Variants in PKIG observed in about 807,000 individuals in gnomAD.
PKIG encodes cAMP-dependent protein kinase inhibitor gamma, also known as protein kinase (cAMP-dependent, catalytic) inhibitor gamma.
PKIG carries 1 observed loss-of-function variant against 6.8 expected under a neutral mutation model. The observed-to-expected ratio is 0.15, with a 90% confidence interval of 0.05 to 0.69. The LOEUF (loss-of-function observed/expected upper bound fraction) is 0.69, where lower values mean the gene tolerates loss of function less well. Ranked by LOEUF, PKIG falls within the 30% of genes least tolerant of loss-of-function variation. The probability of loss-of-function intolerance (pLI) is 0.82; values close to 1 mark genes in which losing one functional copy is unlikely to be tolerated. For synonymous variants in PKIG, 39 were observed against 43.0 expected, an observed-to-expected ratio of 0.91 and a Z score of 0.36; for missense variants, 77 against 104.0, an observed-to-expected ratio of 0.74 and a Z score of 1.13.
At chr20:44,593,412 C>T (rs1600882464) in intron 2 of PKIG, among the ~76,000 whole-genome samples, 1 of 127,462 alleles carries the variant, frequency 7.8e-6, no homozygotes, top group East Asian at 2.3e-4. Context: ...CACACACACA[C>T]GACTATTACT....
At chr20:44,604,366 C>T (rs1434964826) in intron 2 of PKIG, among the ~76,000 whole-genome samples, 1 of 152,074 alleles carries the variant, frequency 6.6e-6, no homozygotes, top group Admixed American at 6.5e-5. Flanking sequence ...TGATATCCTC[C>T]GGGAGGATTC....
intron 2 of PKIG, among the ~76,000 whole-genome samples, chr20:44,612,758 A>G (rs1052543525): frequency 2.4e-4 from 36 of 152,318 alleles, no homozygotes; most frequent in Admixed American, 1.3e-3. Context: ...TCAAAAATCT[A>G]AAAATTATTT....
At chr20:44,535,210 G>C (rs573330546) in intron 1 of PKIG, among the ~76,000 whole-genome samples, 3 of 152,240 alleles carry the variant, frequency 2.0e-5, no homozygotes, top group Middle Eastern at 3.4e-3. Flanking sequence ...CATGGGGATG[G>C]GATGACAGGA....
intron 1 of PKIG, among the ~76,000 whole-genome samples, chr20:44,584,761 C>G (rs1383389788): frequency 6.6e-6 from 1 of 151,088 alleles, no homozygotes; most frequent in Non-Finnish European, 1.5e-5. Context: ...ACTCTGTCTC[C>G]CAGGCTGGAG....
chr20:44,535,350 T>G (rs2064502789), intron 1 of PKIG, among the ~76,000 whole-genome samples: 1 of 152,006 alleles, frequency 6.6e-6, no homozygotes, highest in Non-Finnish European at 1.5e-5. Flanking sequence ...TTTATAAAAT[T>G]GAAAAATTGG....
chr20:44,536,053 T>C (rs1278675412), intron 1 of PKIG, among the ~76,000 whole-genome samples: 2 of 152,236 alleles, frequency 1.3e-5, no homozygotes, highest in African/African-American at 4.8e-5. Context: ...GTTAGTGGAA[T>C]CTTGCATTAT....
In PKIG at chr20:44,557,704, G is replaced by A. The variant is rs61208911; in HGVS notation, c.-240-24881G>A. On this transcript the variant is annotated intron_variant, in intron 1 of 4. Coordinates refer to the PKIG transcript ENST00000372887. ...CCAGCCGTGGTGGCGGGCACCTGTA[G>A]TCCCAGCTGCTCAGGAGGCTGAGGC... Among the ~76,000 whole-genome samples the A allele has an allele frequency of 6.2e-3, 940 of 151,552 alleles. 9 individuals are homozygous for A. Among genetic ancestry groups the A allele is most frequent in the African/African-American group, 0.021 (868 of 41,298 alleles).
Position 44,618,688 on chromosome 20 carries a change from CCT to C in PKIG, c.*328_*329del. ...AGTGAGCAGCCCACACAGGAACGCT[CCT>C]CTCGCGAGCGGCCCGGGCAGGGACC... is the stretch of plus-strand genomic sequence containing the variant. On this transcript the variant is annotated 3_prime_UTR_variant, in exon 4 of 4. Transcript: ENST00000372886. 1 of 248,610 alleles carries C rather than the reference CCT, an allele frequency of 4.0e-6. No individual in the cohort carries two copies. Among genetic ancestry groups the C allele is most frequent in the Non-Finnish European group, 7.9e-6 (1 of 126,134 alleles). The allele number at this position is 248,610 out of a possible 1,614,324, so 15.4% of individuals were successfully genotyped here.
At chr20:44,594,017 G>A (rs543695571) in intron 2 of PKIG, among the ~76,000 whole-genome samples, 115 of 152,286 alleles carry the variant, frequency 7.6e-4, no homozygotes, top group Non-Finnish European at 1.4e-3. Context: ...TACATCCAGT[G>A]TCTAATTAGG....
chr20:44,532,913 T>G (rs1244437856), intron 1 of PKIG, among the ~76,000 whole-genome samples: 1 of 152,108 alleles, frequency 6.6e-6, no homozygotes, highest in Admixed American at 6.6e-5. Flanking sequence ...GAGCAGATTA[T>G]GAGAGTTGGA....
chr20:44,552,721 G>A (rs911148188), intron 1 of PKIG, among the ~76,000 whole-genome samples: 1 of 152,178 alleles, frequency 6.6e-6, no homozygotes, highest in Admixed American at 6.5e-5. Flanking sequence ...TGAATTGTAT[G>A]AAGCCTAGCA....
At chr20:44,562,606 A>C (rs1421522934) in intron 1 of PKIG, among the ~76,000 whole-genome samples, 8 of 151,376 alleles carry the variant, frequency 5.3e-5, no homozygotes, top group Non-Finnish European at 1.2e-4. Context: ...TGTCTCAAAA[A>C]AAAAAAAAAA....
At chr20:44,534,395 A>C (rs1256293181) in intron 1 of PKIG, among the ~76,000 whole-genome samples, 2 of 152,170 alleles carry the variant, frequency 1.3e-5, no homozygotes, top group Non-Finnish European at 2.9e-5. Context: ...GTGGAAGGAA[A>C]GTCACAATTT....
At chr20:44,611,637 C>T (rs2065220092) in intron 2 of PKIG, among the ~76,000 whole-genome samples, 1 of 152,040 alleles carries the variant, frequency 6.6e-6, no homozygotes, top group East Asian at 1.9e-4. Context: ...CTGCCTCAGC[C>T]TCCTGAGTAG....
intron 1 of PKIG, among the ~76,000 whole-genome samples, chr20:44,555,734 A>G (rs2064706941): frequency 6.6e-6 from 1 of 152,116 alleles, no homozygotes; most frequent in Admixed American, 6.5e-5. Context: ...TTTTTTGTCC[A>G]CTTGCTAGGG....
At chr20:44,609,402 A>G (rs2065193722) in intron 2 of PKIG, among the ~76,000 whole-genome samples, 1 of 152,222 alleles carries the variant, frequency 6.6e-6, no homozygotes, top group African/African-American at 2.4e-5. Flanking sequence ...GTCAGGTCCT[A>G]GGACAAGAAC....
At chr20:44,580,939 G>A (rs2064942784), upstream of PKIG, among the ~76,000 whole-genome samples, 1 of 152,164 alleles carries the variant, frequency 6.6e-6, no homozygotes, top group African/African-American at 2.4e-5. Context: ...GGAGTTAGTT[G>A]AAGCCCAGTC....
At chr20:44,601,334 G>T (rs1335211780) in intron 2 of PKIG, among the ~76,000 whole-genome samples, 3 of 152,374 alleles carry the variant, frequency 2.0e-5, no homozygotes, top group South Asian at 4.1e-4. Context: ...TCTTTGAATG[G>T]CAACAGGCAC....
At chr20:44,589,326 A>G (rs1409542161) in intron 1 of PKIG, among the ~76,000 whole-genome samples, 1 of 152,140 alleles carries the variant, frequency 6.6e-6, no homozygotes, top group East Asian at 1.9e-4. Flanking sequence ...ACAGAGTGAG[A>G]CCTGGTCTCT....
Sources: allele counts gnomAD v4.1 joint callset (sites outside exome capture counted in the v4.1 genomes callset), GRCh38; gene constraint gnomAD v4.1.1; transcripts MANE v1.5; gene names NCBI Gene and HGNC (gene_info 2026-07-23, HGNC 2026-07-21).